LDLRAD1: variants seen among roughly 807,000 people sequenced by gnomAD.
LDLRAD1 encodes low-density lipoprotein receptor class A domain-containing protein 1.
A neutral mutation model predicts 24.8 loss-of-function variants in LDLRAD1; 17 were observed. That is an observed-to-expected ratio of 0.69 (90% confidence interval 0.47 to 1.03). LDLRAD1 has a LOEUF of 1.03. Ranked by LOEUF, LDLRAD1 falls within the 50% of genes least tolerant of loss-of-function variation. LDLRAD1 has a pLI of 0.00. For missense variants in LDLRAD1, 277 were observed against 271.0 expected (o/e 1.02, Z -0.16); for synonymous variants, 103 against 108.2 (o/e 0.95, Z 0.30).
intron 4 of LDLRAD1, 44 bp downstream of exon 4, chr1:54,012,097 AGT>A (rs1656077044): frequency 5.6e-6 from 9 of 1,606,882 alleles, no homozygotes; most frequent in Middle Eastern, 1.8e-4. Context: ...AGAGCATCGG[AGT>A]GTGGGGGAAC....
Position 54,010,383 on chromosome 1 carries a change from A to T in LDLRAD1, c.368T>A (p.Phe123Tyr), listed in dbSNP as rs757137383. 1.2e-6 allele frequency: 2 copies of T among 1,613,994 alleles called. No homozygotes were observed. The highest frequency in any genetic ancestry group is 2.2e-5 in the South Asian group (2 of 91,072). The change falls in exon 5 of 6, where the codon TTC becomes TAC. Residue 123 changes from phenylalanine to tyrosine, a missense_variant. Transcript: ENST00000371360. ...CRDVPQSLPH[F>Y]LVAHCGDPAS... is the part of the protein sequence containing the mutation. ...CGGGTCTCCACAGTGGGCCACAAGGAAGTGGGGGAGGCTCTGGGGCACATC... is the reference window on the plus strand; with the variant it reads ...CGGGTCTCCACAGTGGGCCACAAGGTAGTGGGGGAGGCTCTGGGGCACATC...
Position 54,008,894 on chromosome 1 carries a change from C to A in LDLRAD1, c.*88G>T. ...TAGATCCCATTTCAAAGGCTGCTTC[C>A]TGCCCTTGTGCGCTAGGATTTGATT... On this transcript the variant is annotated 3_prime_UTR_variant, in exon 6 of 6. Coordinates refer to ENST00000371360, the MANE Select transcript of LDLRAD1 (RefSeq NM_001010978.4). The A allele has an allele frequency of 5.5e-6, 6 of 1,081,582 alleles. No individual in the cohort carries two copies. Among genetic ancestry groups the A allele is most frequent in the South Asian group, 5.7e-5 (2 of 35,022 alleles). 67.0% of individuals were successfully genotyped at this position (1,081,582 alleles called of 1,614,324 possible). A position where few individuals can be genotyped will look rare whatever the true frequency, so the allele number is the denominator to read the frequency against.
intron 4 of LDLRAD1, 65 bp from the exon 5 acceptor site, chr1:54,010,475 G>A: frequency 6.3e-7 from 1 of 1,576,856 alleles, no homozygotes; most frequent in South Asian, 1.1e-5. Flanking sequence ...AGGGTTATCG[G>A]GAGGAGGATT....
At chr1:54,015,953 C>G (rs1201637532) in intron 2 of LDLRAD1, among the ~76,000 whole-genome samples, 1 of 152,160 alleles carries the variant, frequency 6.6e-6, no homozygotes, top group Non-Finnish European at 1.5e-5. Flanking sequence ...CCACACCGGC[C>G]TGGGGCTTTG....
At chr1:54,011,927 C>T (rs1360005579) in intron 4 of LDLRAD1, among the ~76,000 whole-genome samples, 1 of 152,142 alleles carries the variant, frequency 6.6e-6, no homozygotes, top group Non-Finnish European at 1.5e-5. Context: ...TACGGGTTCT[C>T]TGGGAGTGGA....
chr1:54,014,671 G>A (rs980130506), intron 2 of LDLRAD1, among the ~76,000 whole-genome samples: 2 of 151,532 alleles, frequency 1.3e-5, no homozygotes, highest in African/African-American at 4.8e-5. Flanking sequence ...AGAGATGGAC[G>A]CCTGCATGTC....
At position 54,012,200 on chromosome 1, in the gene LDLRAD1, C is replaced by T. The variant is rs12042590; in HGVS notation, c.283G>A (p.Val95Ile). The change falls in exon 4 of 6, where the codon GTC becomes ATC. Residue 95 changes from valine to isoleucine, a missense_variant. By Grantham distance (29) the Val-to-Ile change is conservative (BLOSUM62 3). Coordinates refer to ENST00000371360, the MANE Select transcript of LDLRAD1 (RefSeq NM_001010978.4). ...DQRSCIPASG[V>I]CDGVRTCTHG... ...GTACAGGTGCGAACGCCATCACAGA[C>T]CCCACTGGCTGGAATGCAGCTCCTC... 1,324 of 1,614,106 alleles carry T rather than the reference C, an allele frequency of 8.2e-4. 21 individuals carry two copies. The East Asian group carries it at 0.026, about 32-fold the overall frequency.
intron 5 of LDLRAD1, among the ~76,000 whole-genome samples, chr1:54,009,776 A>T (rs1029016569): frequency 1.3e-5 from 2 of 152,144 alleles, no homozygotes; most frequent in Non-Finnish European, 1.5e-5. Flanking sequence ...TGGGGAAGAG[A>T]TTGAGAGGAA....
chr1:54,014,236 C>G lies in LDLRAD1; in HGVS notation c.202G>C (p.Gly68Arg). 6.4e-7 allele frequency: 1 copy of G among 1,568,584 alleles called. No individual in the cohort carries two copies. Among genetic ancestry groups the G allele is most frequent in the Non-Finnish European group, 8.6e-7 (1 of 1,156,438 alleles). Reference sequence around the variant, plus strand: ...CCCACCCTCTCTTGGCCGCCCTGACCTGGGGTGCATGATGGGAGTCCAAGA... The same window carrying G: ...CCCACCCTCTCTTGGCCGCCCTGACGTGGGGTGCATGATGGGAGTCCAAGA... ...TILGLPSCTP[G>R]AQACITLTNR... Residue 68 changes from glycine (G) to arginine (R), a missense_variant and splice_region_variant, in exon 3 of 6, where the codon GGA becomes CGA. Transcript: ENST00000371360.
At position 54,007,596 on chromosome 1, in the gene LDLRAD1, C is replaced by T. The variant is rs1463265185; in HGVS notation, c.*1386G>A. Reference sequence around the variant, plus strand: ...TGGCTGGGACTACAAGCATGCACCACCCCACCCAGCTACTTTTTTCCTATT... The same window carrying T: ...TGGCTGGGACTACAAGCATGCACCATCCCACCCAGCTACTTTTTTCCTATT... On this transcript the variant is annotated 3_prime_UTR_variant, in exon 6 of 6. Transcript: ENST00000371360. The T allele has an allele frequency of 6.6e-6, 1 of 152,210 alleles. No homozygotes were observed. Among genetic ancestry groups the T allele is most frequent in the Non-Finnish European group, 1.5e-5 (1 of 68,106 alleles). The allele number at this position is 152,210 out of a possible 1,614,324, so 9.4% of individuals were successfully genotyped here.
chr1:54,016,949 A>C (rs1344026440), intron 2 of LDLRAD1, among the ~76,000 whole-genome samples: 2 of 152,208 alleles, frequency 1.3e-5, no homozygotes, highest in East Asian at 3.8e-4. Context: ...TTCTATTTTC[A>C]GAAGGGTAAA....
At chr1:54,010,183 A>T in intron 5 of LDLRAD1, 99 bp downstream of exon 5, 1 of 1,122,370 alleles carries the variant, frequency 8.9e-7, no homozygotes, top group Non-Finnish European at 1.3e-6. Flanking sequence ...GATGCAGGGA[A>T]GCATGCAAGG....
In LDLRAD1 at chr1:54,015,649, T is replaced by TTTGTG. The variant is rs1245584191; in HGVS notation, c.74-1286_74-1285insCACAA. 1.6e-5 allele frequency among the ~76,000 whole-genome samples: 2 copies of TTTGTG among 126,938 alleles called. 1 individual carries two copies. Among genetic ancestry groups the TTTGTG allele is most frequent in the African/African-American group, 5.5e-5 (2 of 36,080 alleles). The allele number at this position is 126,938 out of a possible 152,430, so 83.3% of individuals were successfully genotyped here. The stretch of plus-strand genomic sequence containing the variant: ...AGGCACGTGGTGGGGGCTTTTGTTT[T>TTTGTG]TTTTGTTTTTTTTGTTTTTTTTTTG... On this transcript the variant is annotated intron_variant, in intron 2 of 5. Coordinates refer to ENST00000371360, the MANE Select transcript of LDLRAD1 (RefSeq NM_001010978.4).
At chr1:54,014,175 C>T (rs1656188268) in intron 3 of LDLRAD1, 61 bp downstream of exon 3, 2 of 1,545,860 alleles carry the variant, frequency 1.3e-6, no homozygotes, top group Non-Finnish European at 1.7e-6. Flanking sequence ...TCCCTCATCT[C>T]TCTGTGCCCT....
At chr1:54,013,283 C>A (rs1656140740) in intron 3 of LDLRAD1, among the ~76,000 whole-genome samples, 1 of 152,230 alleles carries the variant, frequency 6.6e-6, no homozygotes, top group East Asian at 1.9e-4. Context: ...TGCACACAGG[C>A]TCTTGACTGC....
chr1:54,011,695 T>A (rs1656056530), intron 4 of LDLRAD1, among the ~76,000 whole-genome samples: 1 of 152,196 alleles, frequency 6.6e-6, no homozygotes, highest in African/African-American at 2.4e-5. Context: ...TGCTAGGCAC[T>A]GGGGCCCCGA....
intron 4 of LDLRAD1, among the ~76,000 whole-genome samples, chr1:54,011,671 T>C (rs966599025): frequency 6.6e-6 from 1 of 152,214 alleles, no homozygotes; most frequent in Non-Finnish European, 1.5e-5. Flanking sequence ...CAAGCCGTTC[T>C]GAATACCCCT....
At chr1:54,017,583 G>T (rs915411166) in intron 1 of LDLRAD1, among the ~76,000 whole-genome samples, 156 bp from the exon 2 acceptor site, 4 of 152,160 alleles carry the variant, frequency 2.6e-5, no homozygotes, top group Middle Eastern at 3.2e-3. Context: ...GATGCATCAT[G>T]CCCGCTTCAT....
In LDLRAD1 at chr1:54,008,887, C is replaced by G; in HGVS notation, c.*95G>C. 4.0e-6 allele frequency: 4 copies of G among 1,002,524 alleles called. No individual in the cohort carries two copies. The highest frequency in any genetic ancestry group is 3.2e-5 in the South Asian group (1 of 31,276). 62.1% of individuals were successfully genotyped at this position (1,002,524 alleles called of 1,614,324 possible). A position where few individuals can be genotyped will look rare whatever the true frequency, so the allele number is the denominator to read the frequency against. ...TGATGTGTAGATCCCATTTCAAAGG[C>G]TGCTTCCTGCCCTTGTGCGCTAGGA... On this transcript the variant is annotated 3_prime_UTR_variant, in exon 6 of 6. Transcript: ENST00000371360.
Sources: gnomAD v4.1 joint callset for allele counts (sites outside exome capture counted in the v4.1 genomes callset) on GRCh38, gnomAD v4.1.1 for gene constraint, MANE v1.5 for transcripts, NCBI Gene and HGNC (gene_info 2026-07-23, HGNC 2026-07-21) for gene names.